The following MECOM variants were observed in gnomAD, a reference collection of about 807,000 sequenced individuals.
MECOM encodes histone-lysine N-methyltransferase MECOM.
A neutral mutation model predicts 116.3 loss-of-function variants in MECOM; 13 were observed. The observed-to-expected ratio is 0.11, with a 90% CI of 0.07 to 0.18. MECOM has a LOEUF of 0.18. Ranked by LOEUF, MECOM falls within the 10% of genes least tolerant of loss-of-function variation. The pLI, the probability that MECOM is intolerant of heterozygous loss-of-function variation, is 1.00. For synonymous variants in MECOM, 528 were observed against 535.2 expected (o/e 0.99, Z 0.19); for missense variants, 1,299 against 1,509.0 (o/e 0.86, Z 2.31).
At chr3:169,659,374 T>G (rs1169597183) in intron 1 of MECOM, among the ~76,000 whole-genome samples, 1 of 147,982 alleles carries the variant, frequency 6.8e-6, no homozygotes. Context: ...TAATGAACCG[T>G]TCCCTTCCAC....
intron 2 of MECOM, among the ~76,000 whole-genome samples, chr3:169,166,149 G>A (rs1743560759): frequency 6.6e-6 from 1 of 152,118 alleles, no homozygotes; most frequent in Admixed American, 6.5e-5. Flanking sequence ...TGCAGCAGCG[G>A]TTGCTGACAG....
intron 1 of MECOM, among the ~76,000 whole-genome samples, chr3:169,573,235 C>T (rs566214293): frequency 5.3e-5 from 8 of 152,122 alleles, no homozygotes; most frequent in Non-Finnish European, 1.0e-4. Context: ...TTTCAAAAGG[C>T]GAACGAATGA....
intron 1 of MECOM, among the ~76,000 whole-genome samples, chr3:169,424,977 T>C (rs1377214601): frequency 6.6e-6 from 1 of 152,058 alleles, no homozygotes; most frequent in Non-Finnish European, 1.5e-5. Context: ...CTCTGTTATA[T>C]ACTACAGAAA....
chr3:169,530,514 A>C (rs747533599), intron 1 of MECOM, among the ~76,000 whole-genome samples: 1 of 152,168 alleles, frequency 6.6e-6, no homozygotes, highest in Non-Finnish European at 1.5e-5. Flanking sequence ...GCCACCTATG[A>C]AGCCCTAAAA....
intron 7 of MECOM, among the ~76,000 whole-genome samples, chr3:169,119,113 T>C (rs570646210): frequency 5.5e-4 from 84 of 152,342 alleles, no homozygotes; most frequent in Admixed American, 1.0e-3. Context: ...GTAAAGGCAG[T>C]GAGTAATTAC....
Position 169,470,656 on chromosome 3 carries a change from T to A in MECOM, c.38-89132A>T, listed in dbSNP as rs113926117. On this transcript the variant is annotated intron_variant, in intron 1 of 16. Transcript: ENST00000651503. ...CCACAGAGAGAGAAATTCTGAGGCA[T>A]GTCACAGTGCTTGATGTGAAAGCCT... Among the ~76,000 whole-genome samples the A allele has an allele frequency of 2.7e-3, 404 of 152,272 alleles. 5 individuals carry two copies. Among genetic ancestry groups the A allele is most frequent in the African/African-American group, 9.5e-3 (394 of 41,566 alleles).
At chr3:169,559,909 AT>A (rs1474833852) in intron 1 of MECOM, among the ~76,000 whole-genome samples, 1 of 152,244 alleles carries the variant, frequency 6.6e-6, no homozygotes, top group African/African-American at 2.4e-5. Context: ...AATATAGGTC[AT>A]ACATTCAGGA....
At chr3:169,512,237 C>T (rs1004189751) in intron 1 of MECOM, among the ~76,000 whole-genome samples, 1 of 152,214 alleles carries the variant, frequency 6.6e-6, no homozygotes, top group Non-Finnish European at 1.5e-5. Flanking sequence ...CATCCCCCAA[C>T]CACCCTACCA....
At chr3:169,494,672 A>G (rs1753602091) in intron 1 of MECOM, among the ~76,000 whole-genome samples, 1 of 152,192 alleles carries the variant, frequency 6.6e-6, no homozygotes, top group Non-Finnish European at 1.5e-5. Flanking sequence ...ACAATCTTTT[A>G]AAGCACTTAT....
Position 169,587,798 on chromosome 3 carries a change from G to A in MECOM, c.37+75538C>T, listed in dbSNP as rs9883494. Among the ~76,000 whole-genome samples the A allele has an allele frequency of 5.8e-3, 880 of 151,872 alleles. 9 individuals carry two copies. Among genetic ancestry groups the A allele is most frequent in the African/African-American group, 0.02 (820 of 41,452 alleles). On this transcript the variant is annotated intron_variant, in intron 1 of 16. Transcript: ENST00000651503. ...CATGGAACAAAGAGTTTCCAGTTGC[G>A]TCTCCATGTCTTTTATCTTTTAAAA...
chr3:169,250,944 C>T (rs1756174083), intron 2 of MECOM, among the ~76,000 whole-genome samples: 1 of 152,154 alleles, frequency 6.6e-6, no homozygotes. Context: ...AGATTCATCT[C>T]TACGATAATT....
intron 8 of MECOM, among the ~76,000 whole-genome samples, chr3:169,114,342 T>A (rs1226672215): frequency 6.6e-6 from 1 of 152,188 alleles, no homozygotes; most frequent in Non-Finnish European, 1.5e-5. Flanking sequence ...ACGAGGGTAG[T>A]CCTTTCCATA....
intron 2 of MECOM, among the ~76,000 whole-genome samples, chr3:169,281,097 A>C (rs994693419): frequency 6.6e-6 from 1 of 152,206 alleles, no homozygotes; most frequent in South Asian, 2.1e-4. Flanking sequence ...ATTATGATGT[A>C]GAATGTTGCC....
chr3:169,457,523 G>C (rs187743179), intron 1 of MECOM, among the ~76,000 whole-genome samples: 70 of 152,198 alleles, frequency 4.6e-4, no homozygotes, highest in African/African-American at 1.6e-3. Context: ...GATCATATCA[G>C]GCCAACTTTT....
chr3:169,454,708 C>G (rs1472870924), intron 1 of MECOM, among the ~76,000 whole-genome samples: 1 of 152,004 alleles, frequency 6.6e-6, no homozygotes, highest in East Asian at 1.9e-4. Flanking sequence ...AATTATTATT[C>G]AAAAGTTTAA....
At chr3:169,374,916 A>C (rs764524090) in intron 2 of MECOM, among the ~76,000 whole-genome samples, 3 of 151,932 alleles carry the variant, frequency 2.0e-5, no homozygotes, top group Non-Finnish European at 4.4e-5. Flanking sequence ...ACACATCTGT[A>C]GTCCTAGCTA....
At chr3:169,374,025 C>T (rs1015020275) in intron 2 of MECOM, among the ~76,000 whole-genome samples, 15 of 151,724 alleles carry the variant, frequency 9.9e-5, no homozygotes, top group Non-Finnish European at 1.9e-4. Context: ...GGAAATAGGG[C>T]CATTAGGATG....
In MECOM at chr3:169,525,737, G is replaced by A. The variant is rs184113839; in HGVS notation, c.37+137599C>T. Among the ~76,000 whole-genome samples, 297 of 152,260 alleles carry A rather than the reference G, an allele frequency of 2.0e-3. 4 individuals carry two copies. Among genetic ancestry groups the A allele is most frequent in the African/African-American group, 6.9e-3 (286 of 41,558 alleles). On this transcript the variant is annotated intron_variant, in intron 1 of 16. Coordinates refer to ENST00000651503, the MANE Select transcript of MECOM (RefSeq NM_004991.4). ...AAACAGGTGGCTCTTTGTAAAAGGTGGCTGGATGCAGCCGGGCGTGATGGC... is the reference window on the plus strand; with the variant it reads ...AAACAGGTGGCTCTTTGTAAAAGGTAGCTGGATGCAGCCGGGCGTGATGGC...
At chr3:169,485,973 CATA>C (rs1160222557) in intron 1 of MECOM, among the ~76,000 whole-genome samples, 3 of 53,868 alleles carry the variant, frequency 5.6e-5, no homozygotes, top group African/African-American at 1.4e-4. Context: ...ACTATATATA[CATA>C]TATATATAGT....
Sources: allele counts gnomAD v4.1 joint callset (sites outside exome capture counted in the v4.1 genomes callset), GRCh38; gene constraint gnomAD v4.1.1; transcripts MANE v1.5; gene names NCBI Gene and HGNC (gene_info 2026-07-23, HGNC 2026-07-21).